Variants in RBPJ observed in about 807,000 individuals in gnomAD.
RBPJ encodes recombination signal binding protein for immunoglobulin kappa J region.
In RBPJ, 9 loss-of-function variants were observed where a neutral mutation model predicts 67.8. The observed-to-expected ratio is 0.13, with a 90% confidence interval of 0.08 to 0.23. The LOEUF (loss-of-function observed/expected upper bound fraction) is 0.23. Ranked by LOEUF, RBPJ falls within the 10% of genes least tolerant of loss-of-function variation. The pLI is 1.00. For synonymous variants in RBPJ, 198 were observed against 203.3 expected (o/e 0.97, Z 0.22); for missense variants, 305 against 595.6 (o/e 0.51, Z 5.08).
chr4:26,170,062 G>A (rs183864042), intron 1 of RBPJ, among the ~76,000 whole-genome samples: 107 of 152,194 alleles, frequency 7.0e-4, no homozygotes, highest in Middle Eastern at 3.4e-3. Context: ...TTCGGCTGGC[G>A]CACGGTGCGC....
chr4:26,275,807 T>G (rs1475616338), intron 1 of RBPJ, among the ~76,000 whole-genome samples: 1 of 151,972 alleles, frequency 6.6e-6, no homozygotes, highest in African/African-American at 2.4e-5. Flanking sequence ...CTTTTTTGTA[T>G]TTTTAGTAGA....
intron 2 of RBPJ, among the ~76,000 whole-genome samples, chr4:26,404,888 G>A (rs1342886653): frequency 6.6e-6 from 1 of 152,162 alleles, no homozygotes; most frequent in African/African-American, 2.4e-5. Flanking sequence ...TTCCCAGCAT[G>A]TAGTCCTTTA....
chr4:26,413,828 C>T (rs1409939283), intron 3 of RBPJ, among the ~76,000 whole-genome samples: 1 of 152,038 alleles, frequency 6.6e-6, no homozygotes, highest in East Asian at 1.9e-4. Flanking sequence ...TTAGTCTGCA[C>T]GTTGTTGGCC....
At chr4:26,320,782 C>T (rs1384718315), upstream of RBPJ, 1 of 1,555,218 alleles carries the variant, frequency 6.4e-7, no homozygotes, top group East Asian at 2.4e-5. Context: ...GGCTCGCCCG[C>T]GGAGGAGCCG....
chr4:26,106,934 A>AT, the RBPJ span, among the ~76,000 whole-genome samples: 2 of 152,114 alleles, frequency 1.3e-5, no homozygotes, highest in African/African-American at 4.8e-5. Context: ...CCTAGGGGAA[A>AT]TTTTTTATCC....
At chr4:26,180,917 T>C (rs1277562450) in intron 1 of RBPJ, among the ~76,000 whole-genome samples, 1 of 152,194 alleles carries the variant, frequency 6.6e-6, no homozygotes, top group Non-Finnish European at 1.5e-5. Context: ...AATTGAATCA[T>C]AGAGGCGAGT....
chr4:26,169,380 A>C (rs1716463154), intron 1 of RBPJ, among the ~76,000 whole-genome samples: 1 of 152,196 alleles, frequency 6.6e-6, no homozygotes, highest in Non-Finnish European at 1.5e-5. Flanking sequence ...TGTCTGCAGA[A>C]CCTCGGATTT....
chr4:26,337,970 A>G lies in RBPJ; in HGVS notation c.20+16922A>G, dbSNP rs574751990. Reference sequence around the variant, plus strand: ...TATTTTCCACATATTACTTTTGTCAATTCTATGGTTTTTTCCCTAGTTTTT... The same window carrying G: ...TATTTTCCACATATTACTTTTGTCAGTTCTATGGTTTTTTCCCTAGTTTTT... On this transcript the variant is annotated intron_variant, in intron 1 of 10. Coordinates refer to ENST00000355476, the MANE Select transcript of RBPJ (RefSeq NM_015874.6). Among the ~76,000 whole-genome samples, 13 of 151,326 alleles carry G rather than the reference A, an allele frequency of 8.6e-5. No homozygotes were observed. In the East Asian group the frequency reaches 9.7e-4, roughly 11 times the overall value.
the RBPJ span, among the ~76,000 whole-genome samples, chr4:26,106,770 G>A: frequency 1.3e-5 from 2 of 152,082 alleles, no homozygotes; most frequent in Non-Finnish European, 2.9e-5. Flanking sequence ...AATGTATTCT[G>A]CTCTCTGCAG....
intron 1 of RBPJ, among the ~76,000 whole-genome samples, chr4:26,268,462 T>C (rs181898153): frequency 6.6e-6 from 1 of 152,332 alleles, no homozygotes; most frequent in East Asian, 1.9e-4. Context: ...TTGGGCTTTT[T>C]CTTCAGGCCC....
chr4:26,110,267 TA>T, the RBPJ span, among the ~76,000 whole-genome samples: 7 of 152,306 alleles, frequency 4.6e-5, no homozygotes, highest in African/African-American at 1.7e-4. This position sits in a 1 kb window ranked among gnomAD's most constrained non-coding sequence, Gnocchi z 4.5. Flanking sequence ...GGGTCCAGCA[TA>T]GGGGGACAGG....
intron 1 of RBPJ, among the ~76,000 whole-genome samples, chr4:26,188,145 G>A (rs751969153): frequency 6.6e-6 from 1 of 152,106 alleles, no homozygotes; most frequent in South Asian, 2.1e-4. Context: ...GGAGGTGAAG[G>A]TTGCAGTGAG....
chr4:26,308,879 T>C lies in RBPJ; in HGVS notation c.-166-53567T>C, dbSNP rs117846219. 2.0e-3 allele frequency among the ~76,000 whole-genome samples: 312 copies of C among 152,322 alleles called. 8 individuals carry two copies. The East Asian group carries it at 0.023, about 11-fold the overall frequency. ...TCTGTGTTCAAGGTTAATAGTAACA[T>C]AGGCCAGAGAAGAAAATAAAGGGAT... On this transcript the variant is annotated intron_variant, in intron 1 of 4. Coordinates refer to the RBPJ transcript ENST00000512351.
chr4:26,413,754 G>A (rs1465703069), intron 3 of RBPJ, among the ~76,000 whole-genome samples: 1 of 152,168 alleles, frequency 6.6e-6, no homozygotes, highest in Non-Finnish European at 1.5e-5. Flanking sequence ...GAAGACCTGA[G>A]CACCAAATCC....
At chr4:26,344,295 C>T (rs919213657) in intron 1 of RBPJ, among the ~76,000 whole-genome samples, 1 of 151,952 alleles carries the variant, frequency 6.6e-6, no homozygotes, top group East Asian at 1.9e-4. Flanking sequence ...AGTGCAGTGG[C>T]GTGATTTCGG....
At chr4:26,258,457 T>G (rs1720417873) in intron 1 of RBPJ, among the ~76,000 whole-genome samples, 1 of 152,188 alleles carries the variant, frequency 6.6e-6, no homozygotes, top group Admixed American at 6.5e-5. Context: ...CATCAGTCCA[T>G]CTCAAAGTTT....
intron 1 of RBPJ, among the ~76,000 whole-genome samples, chr4:26,266,810 A>T (rs1441711004): frequency 6.6e-6 from 1 of 152,162 alleles, no homozygotes; most frequent in Non-Finnish European, 1.5e-5. Context: ...AGCAGATATT[A>T]CTGGTGGCAT....
At chr4:26,188,914 G>A (rs4692424) in intron 1 of RBPJ, among the ~76,000 whole-genome samples, 85,604 of 152,084 alleles carry the variant, frequency 0.56, 24,301 homozygotes, top group East Asian at 0.7. Context: ...TAAGAATGCT[G>A]TTTCTCATAA....
At chr4:26,292,988 C>T (rs1369735697) in intron 1 of RBPJ, among the ~76,000 whole-genome samples, 1 of 150,512 alleles carries the variant, frequency 6.6e-6, no homozygotes, top group Non-Finnish European at 1.5e-5. Flanking sequence ...AATGGGACTG[C>T]TGGTTCATTA....
Sources: allele counts gnomAD v4.1 joint callset (sites outside exome capture counted in the v4.1 genomes callset), GRCh38; gene constraint gnomAD v4.1.1; non-coding constraint Gnocchi (gnomAD v3.1); transcripts MANE v1.5; gene names NCBI Gene and HGNC (gene_info 2026-07-23, HGNC 2026-07-21).